IGF1R: variants seen among roughly 807,000 people sequenced by gnomAD.
IGF1R encodes insulin-like growth factor 1 receptor.
A neutral mutation model predicts 144.6 loss-of-function variants in IGF1R; 44 were observed. The ratio of observed to expected loss-of-function variants is 0.30; its 90% CI spans 0.24 to 0.39. IGF1R has a LOEUF of 0.39. Ranked by LOEUF, IGF1R falls within the 10% of genes least tolerant of loss-of-function variation. The pLI is 1.00. For synonymous variants in IGF1R, 795 were observed against 722.8 expected (o/e 1.10, Z -1.60); for missense variants, 1,355 against 1,833.7 (o/e 0.74, Z 4.77).
At chr15:98,915,078 T>C (rs3784604) in intron 8 of IGF1R, among the ~76,000 whole-genome samples, 17,576 of 152,236 alleles carry the variant, frequency 0.12, 1,134 homozygotes, top group East Asian at 0.25. Context: ...ATTGCTTAAG[T>C]GATATCCAGT....
intron 2 of IGF1R, among the ~76,000 whole-genome samples, chr15:98,881,643 A>G (rs75102489): frequency 0.011 from 1,721 of 152,274 alleles, 21 homozygotes; most frequent in Middle Eastern, 0.051. Context: ...TTTAGACAAT[A>G]GAAACATGCT....
intron 2 of IGF1R, among the ~76,000 whole-genome samples, chr15:98,787,334 G>T (rs1283740491): frequency 6.6e-6 from 1 of 152,200 alleles, no homozygotes; most frequent in Non-Finnish European, 1.5e-5. Flanking sequence ...AGCACTCTCA[G>T]ATAAAACACC....
intron 2 of IGF1R, among the ~76,000 whole-genome samples, chr15:98,785,627 G>C (rs2055974723): frequency 6.6e-6 from 1 of 152,156 alleles, no homozygotes; most frequent in Non-Finnish European, 1.5e-5. Context: ...CAGTACATTG[G>C]GAATAAATGG....
chr15:98,897,986 A>G (rs937873790), intron 4 of IGF1R, among the ~76,000 whole-genome samples: 2 of 151,218 alleles, frequency 1.3e-5, no homozygotes, highest in Non-Finnish European at 2.9e-5. Flanking sequence ...GTTTTCCTTA[A>G]TATTTGTTAA....
At chr15:98,949,523 C>A (rs1046608914) in intron 20 of IGF1R, among the ~76,000 whole-genome samples, 1 of 151,994 alleles carries the variant, frequency 6.6e-6, no homozygotes, top group African/African-American at 2.4e-5. Context: ...GGATTACAGG[C>A]ACCCACCACC....
At chr15:98,840,111 A>ATTCT (rs1262917543) in intron 2 of IGF1R, among the ~76,000 whole-genome samples, 1 of 152,184 alleles carries the variant, frequency 6.6e-6, no homozygotes, top group Non-Finnish European at 1.5e-5. Context: ...TGCACATTAC[A>ATTCT]TTCTTTTCTG....
intron 2 of IGF1R, among the ~76,000 whole-genome samples, chr15:98,837,106 T>C (rs544043175): frequency 2.6e-5 from 4 of 152,246 alleles, no homozygotes; most frequent in Non-Finnish European, 4.4e-5. Context: ...CTTTTTTCTT[T>C]TTTTGAGACA....
At chr15:98,923,105 C>T (rs1454273404) in intron 11 of IGF1R, among the ~76,000 whole-genome samples, 3 of 152,236 alleles carry the variant, frequency 2.0e-5, no homozygotes, top group Non-Finnish European at 2.9e-5. Flanking sequence ...CGTCAGGCTC[C>T]CTGCCTCAGT....
intron 2 of IGF1R, among the ~76,000 whole-genome samples, chr15:98,823,134 C>T (rs2056832682): frequency 6.6e-6 from 1 of 152,160 alleles, no homozygotes; most frequent in African/African-American, 2.4e-5. Context: ...CTCCAGGTCT[C>T]CTCTCATAAA....
intron 2 of IGF1R, among the ~76,000 whole-genome samples, chr15:98,838,837 C>G (rs1408223038): frequency 6.6e-6 from 1 of 152,236 alleles, no homozygotes; most frequent in Non-Finnish European, 1.5e-5. Flanking sequence ...CAGCTGTCCT[C>G]TTGTGATCAC....
At position 98,957,250 on chromosome 15, in the gene IGF1R, C is replaced by T. The variant is rs756274518; in HGVS notation, c.3912C>T (p.Pro1304=). The change falls in exon 21 of 21, where the codon CCC becomes CCT. Residue 1304 remains proline (P), a synonymous_variant. Coordinates refer to ENST00000650285, the MANE Select transcript of IGF1R (RefSeq NM_000875.5). ...AGCCAGAGAACATGGAGAGCGTCCC[C>T]CTGGACCCCTCGGCCTCCTCGTCCT... ...DLEPENMESV[P]LDPSASSSSL... is the part of the protein sequence containing the mutation. 9 of 1,614,074 alleles carry T rather than the reference C, an allele frequency of 5.6e-6. No individual in the cohort carries two copies. The highest frequency in any genetic ancestry group is 1.7e-5 in the Admixed American group (1 of 60,012).
chr15:98,927,970 C>T (rs2015788292), intron 13 of IGF1R, among the ~76,000 whole-genome samples: 1 of 152,184 alleles, frequency 6.6e-6, no homozygotes, highest in South Asian at 2.1e-4. Flanking sequence ...CTCGAAAGGC[C>T]TCTTCTCTCC....
At position 98,846,359 on chromosome 15, in the gene IGF1R, A is replaced by G. The variant is rs574935146; in HGVS notation, c.641-44966A>G. On this transcript the variant is annotated intron_variant, in intron 2 of 20. Transcript: ENST00000650285. Reference sequence around the variant, plus strand: ...GATGCATTGACCAGGATGAAGACACAACAGTATGGCCTTATTAAATTTGGA... The same window carrying G: ...GATGCATTGACCAGGATGAAGACACGACAGTATGGCCTTATTAAATTTGGA... Among the ~76,000 whole-genome samples, 5 of 152,314 alleles carry G rather than the reference A, an allele frequency of 3.3e-5. No individual in the cohort carries two copies. In the South Asian group the frequency reaches 1.0e-3, roughly 32 times the overall value.
chr15:98,651,665 T>C (rs1267540925), intron 1 of IGF1R, among the ~76,000 whole-genome samples: 1 of 152,198 alleles, frequency 6.6e-6, no homozygotes. Flanking sequence ...TTGAAGGATA[T>C]TCTTTGTGCA....
chr15:98,889,787 A>G (rs1426583302), intron 2 of IGF1R, among the ~76,000 whole-genome samples: 1 of 152,160 alleles, frequency 6.6e-6, no homozygotes, highest in Non-Finnish European at 1.5e-5. Context: ...GGTTTTTTTA[A>G]TCATGTATTT....
At chr15:98,933,158 C>T (rs902696640) in intron 15 of IGF1R, among the ~76,000 whole-genome samples, 3 of 152,166 alleles carry the variant, frequency 2.0e-5, no homozygotes, top group South Asian at 2.1e-4. Flanking sequence ...TAGCACACAG[C>T]GTCAGAGGAA....
At chr15:98,895,414 ATT>A (rs5814910) in intron 3 of IGF1R, among the ~76,000 whole-genome samples, 8,091 of 150,978 alleles carry the variant, frequency 0.054, 367 homozygotes, top group East Asian at 0.14. Flanking sequence ...TTAAAATAAA[ATT>A]TTTTTTTTTA....
intron 1 of IGF1R, among the ~76,000 whole-genome samples, chr15:98,654,053 TC>T (rs2052430012): frequency 6.6e-6 from 1 of 152,224 alleles, no homozygotes; most frequent in Non-Finnish European, 1.5e-5. Context: ...AGATTTTTTT[TC>T]AGACTCAGTA....
At chr15:98,649,796 C>A (rs1026158266) in intron 1 of IGF1R, 121 bp downstream of exon 1, 10 of 718,300 alleles carry the variant, frequency 1.4e-5, no homozygotes, top group Admixed American at 9.5e-5. Flanking sequence ...TCGGGAGCGG[C>A]GGGGTGGGGC....
Sources: gnomAD v4.1 joint callset for allele counts (sites outside exome capture counted in the v4.1 genomes callset) on GRCh38, gnomAD v4.1.1 for gene constraint, MANE v1.5 for transcripts, NCBI Gene and HGNC (gene_info 2026-07-23, HGNC 2026-07-21) for gene names.